Variants in SORCS1 observed in about 807,000 individuals in gnomAD.
SORCS1 encodes the protein sortilin related VPS10 domain containing receptor 1.
A neutral mutation model predicts 146.1 loss-of-function variants in SORCS1; 60 were observed. The ratio of observed to expected loss-of-function variants is 0.41; its 90% CI spans 0.33 to 0.51. The LOEUF (loss-of-function observed/expected upper bound fraction) is 0.51, where lower values mean the gene tolerates loss of function less well. Ranked by LOEUF, SORCS1 falls within the 20% of genes least tolerant of loss-of-function variation. The pLI is 0.21. For missense variants in SORCS1, 1,352 were observed against 1,487.6 expected (o/e 0.91, Z 1.50); for synonymous variants, 637 against 584.0 (o/e 1.09, Z -1.31).
intron 4 of SORCS1, among the ~76,000 whole-genome samples, chr10:106,762,802 C>G (rs1256207107): frequency 6.6e-6 from 1 of 152,006 alleles, no homozygotes; most frequent in African/African-American, 2.4e-5. Flanking sequence ...TGACAACTCC[C>G]CTCATAGAGA....
At chr10:106,946,725 C>G (rs1954364625) in intron 2 of SORCS1, among the ~76,000 whole-genome samples, 1 of 152,202 alleles carries the variant, frequency 6.6e-6, no homozygotes, top group African/African-American at 2.4e-5. Context: ...CTTATGCATA[C>G]ATTTTACCCT....
At chr10:107,093,983 C>T (rs1468726275) in intron 1 of SORCS1, among the ~76,000 whole-genome samples, 1 of 152,116 alleles carries the variant, frequency 6.6e-6, no homozygotes, top group East Asian at 1.9e-4. Context: ...TAGCTCACTC[C>T]CATGCCACCT....
In SORCS1 at chr10:106,739,982, G is replaced by A. The variant is rs144428435; in HGVS notation, c.960-9868C>T. On this transcript the variant is annotated intron_variant, in intron 5 of 25. Coordinates refer to ENST00000263054, the MANE Select transcript of SORCS1 (RefSeq NM_052918.5). ...AAAAAAAAAAAGAAAATTTAAACCT[G>A]AGCATTTTGCTGCTGGAGATAACCT... 1.2e-3 allele frequency among the ~76,000 whole-genome samples: 175 copies of A among 151,068 alleles called. 2 individuals are homozygous for A. The highest frequency in any genetic ancestry group is 4.2e-3 in the African/African-American group (173 of 41,150).
chr10:106,672,281 G>A (rs1221039871), intron 15 of SORCS1, among the ~76,000 whole-genome samples: 2 of 152,158 alleles, frequency 1.3e-5, no homozygotes, highest in African/African-American at 4.8e-5. Context: ...GGGAAATCAA[G>A]GGAGAGACAC....
intron 17 of SORCS1, among the ~76,000 whole-genome samples, chr10:106,654,780 C>T (rs571091116): frequency 6.6e-6 from 1 of 152,316 alleles, no homozygotes; most frequent in Admixed American, 6.5e-5. Flanking sequence ...CAAAACTCCG[C>T]TCCAGACATA....
At chr10:106,590,609 T>A (rs923385675) in intron 24 of SORCS1, among the ~76,000 whole-genome samples, 1 of 152,198 alleles carries the variant, frequency 6.6e-6, no homozygotes, top group East Asian at 1.9e-4. Context: ...GCCTTCCAGA[T>A]TCTTGCTAGA....
chr10:106,783,052 C>T (rs1251781028), intron 3 of SORCS1, among the ~76,000 whole-genome samples: 2 of 152,186 alleles, frequency 1.3e-5, no homozygotes, highest in East Asian at 1.9e-4. Context: ...TTTAAAAACT[C>T]GGATTTGAAT....
At chr10:107,004,361 T>G (rs1233579697) in intron 1 of SORCS1, among the ~76,000 whole-genome samples, 1 of 152,024 alleles carries the variant, frequency 6.6e-6, no homozygotes, top group Non-Finnish European at 1.5e-5. Context: ...GGGTAACTTA[T>G]AAAGAAAAAG....
chr10:106,784,908 T>C (rs1945986499), intron 3 of SORCS1, among the ~76,000 whole-genome samples: 1 of 152,334 alleles, frequency 6.6e-6, no homozygotes, highest in Non-Finnish European at 1.5e-5. Context: ...TACTTGACTT[T>C]AGAGTTTGAA....
chr10:107,083,942 C>T (rs1045719485), intron 1 of SORCS1, among the ~76,000 whole-genome samples: 1 of 152,112 alleles, frequency 6.6e-6, no homozygotes, highest in African/African-American at 2.4e-5. Context: ...TGGATATTCA[C>T]TCAGGTTTGG....
intron 3 of SORCS1, among the ~76,000 whole-genome samples, chr10:106,806,755 TCAGCC>T (rs1191584029): frequency 6.6e-6 from 1 of 152,002 alleles, no homozygotes; most frequent in Admixed American, 6.6e-5. Context: ...GACCTCGTGA[TCAGCC>T]CACCCTGGCC....
intron 1 of SORCS1, among the ~76,000 whole-genome samples, chr10:106,994,698 T>C (rs1408319615): frequency 6.6e-6 from 1 of 152,222 alleles, no homozygotes; most frequent in Non-Finnish European, 1.5e-5. Context: ...CTATTTAGCA[T>C]TACTTGAATG....
At chr10:107,070,440 T>C (rs1416116692) in intron 1 of SORCS1, among the ~76,000 whole-genome samples, 1 of 152,164 alleles carries the variant, frequency 6.6e-6, no homozygotes, top group Non-Finnish European at 1.5e-5. Context: ...CTTTCTGCAC[T>C]ATGAGATAAA....
At position 106,576,857 on chromosome 10, in the gene SORCS1, ATGCT is replaced by A; in HGVS notation, c.*559_*562del. On this transcript the variant is annotated 3_prime_UTR_variant, in exon 26 of 26. Coordinates refer to ENST00000263054, the MANE Select transcript of SORCS1 (RefSeq NM_052918.5). Reference sequence around the variant, plus strand: ...TAGCTAATCCACCCATCAGCCTTTAATGCTAAAATAGCTGATAAATCTAGAGCCA... The same window carrying A: ...TAGCTAATCCACCCATCAGCCTTTAAAAAATAGCTGATAAATCTAGAGCCA... The A allele has an allele frequency of 1.1e-5, 2 of 179,958 alleles. No homozygotes were observed. The highest frequency in any genetic ancestry group is 1.6e-4 in the East Asian group (1 of 6,258). 11.1% of individuals were successfully genotyped at this position (179,958 alleles called of 1,614,324 possible).
chr10:106,952,031 A>G (rs545658512), intron 2 of SORCS1, among the ~76,000 whole-genome samples: 60 of 152,264 alleles, frequency 3.9e-4, no homozygotes, highest in African/African-American at 1.3e-3. Context: ...TCACTAGCTC[A>G]TTGCATTCAG....
Position 106,792,041 on chromosome 10 carries a change from G to T in SORCS1, c.727-15349C>A, listed in dbSNP as rs142685370. Among the ~76,000 whole-genome samples the T allele has an allele frequency of 3.2e-4, 48 of 151,920 alleles. 2 individuals are homozygous for T. The East Asian group carries it at 9.1e-3, about 29-fold the overall frequency. ...GTATGTCTCTTTTTCTTATTGATTT[G>T]TATACATTGTTATTCTTACTTCATA... On this transcript the variant is annotated intron_variant, in intron 3 of 25. Coordinates refer to ENST00000263054, the MANE Select transcript of SORCS1 (RefSeq NM_052918.5).
At chr10:106,977,495 AACAG>A (rs776144242) in intron 1 of SORCS1, among the ~76,000 whole-genome samples, 4 of 152,016 alleles carry the variant, frequency 2.6e-5, no homozygotes, top group Non-Finnish European at 5.9e-5. Context: ...TTCATCAGTG[AACAG>A]ACAATCATCT....
chr10:107,082,151 G>A (rs1304605709), intron 1 of SORCS1, among the ~76,000 whole-genome samples: 4 of 150,318 alleles, frequency 2.7e-5, no homozygotes, highest in Admixed American at 1.3e-4. Flanking sequence ...CTGCACTTTC[G>A]GAAACTCTCA....
intron 6 of SORCS1, among the ~76,000 whole-genome samples, chr10:106,718,185 C>T (rs1469824242): frequency 2.6e-5 from 4 of 152,214 alleles, no homozygotes; most frequent in Non-Finnish European, 5.9e-5. Flanking sequence ...TTGGGGAACA[C>T]TGGCTGTGTG....
Sources: gnomAD v4.1 joint callset for allele counts (sites outside exome capture counted in the v4.1 genomes callset) on GRCh38, gnomAD v4.1.1 for gene constraint, MANE v1.5 for transcripts, NCBI Gene and HGNC (gene_info 2026-07-23, HGNC 2026-07-21) for gene names.